Variants in CHL1 observed in about 807,000 individuals in gnomAD.
CHL1 encodes the protein cell adhesion molecule L1 like.
CHL1 carries 96 observed loss-of-function variants against 141.9 expected under a neutral mutation model. The observed-to-expected ratio is 0.68, with a 90% CI of 0.57 to 0.80. The LOEUF is 0.80. CHL1 is among the 30% of genes least tolerant of loss of function. The probability of loss-of-function intolerance (pLI) is 0.00; values close to 1 mark genes in which losing one functional copy is unlikely to be tolerated. For missense variants in CHL1, 1,820 were observed against 1,457.2 expected (o/e 1.25, Z -4.05); for synonymous variants, 613 against 502.2 (o/e 1.22, Z -2.95).
chr3:342,071 C>G lies in CHL1; in HGVS notation c.668C>G (p.Thr223Arg). ...TIVQKMPMKL[T>R]VNSLKHANDS... ...GTACAGAAAATGCCAATGAAACTAACAGTTAACAGTTGTAAGTCCACATAA... is the reference window on the plus strand; with the variant it reads ...GTACAGAAAATGCCAATGAAACTAAGAGTTAACAGTTGTAAGTCCACATAA... The change falls in exon 7 of 28, where the codon ACA (threonine) becomes AGA (arginine). Residue 223 changes from threonine (T) to arginine (R), a missense_variant. Coordinates refer to ENST00000256509, the MANE Select transcript of CHL1 (RefSeq NM_006614.4). The G allele has an allele frequency of 2.5e-6, 4 of 1,608,964 alleles. No individual in the cohort carries two copies. Among genetic ancestry groups the G allele is most frequent in the Non-Finnish European group, 3.4e-6 (4 of 1,175,964 alleles).
At chr3:379,953 C>G (rs1706831041) in intron 16 of CHL1, among the ~76,000 whole-genome samples, 1 of 152,094 alleles carries the variant, frequency 6.6e-6, no homozygotes, top group Non-Finnish European at 1.5e-5. Context: ...ATACTTGACC[C>G]CCTTTAATCA....
At chr3:380,938 G>A (rs1223062756) in intron 16 of CHL1, among the ~76,000 whole-genome samples, 2 of 152,178 alleles carry the variant, frequency 1.3e-5, no homozygotes, top group Non-Finnish European at 2.9e-5. Flanking sequence ...TATTCTTGGA[G>A]ATGAATCAGG....
chr3:206,976 C>A (rs1295152785), intron 1 of CHL1, among the ~76,000 whole-genome samples: 3 of 152,174 alleles, frequency 2.0e-5, no homozygotes, highest in African/African-American at 7.2e-5. Flanking sequence ...ATGGCAGATG[C>A]CATATCTCAG....
At chr3:331,396 C>T (rs1701428813) in intron 5 of CHL1, among the ~76,000 whole-genome samples, 2 of 151,982 alleles carry the variant, frequency 1.3e-5, no homozygotes, top group Admixed American at 1.3e-4. Context: ...CCGTGCCTGG[C>T]CAATTTTTAT....
At chr3:385,628 G>A (rs958618926) in intron 19 of CHL1, 3 of 152,138 alleles carry the variant, frequency 2.0e-5, no homozygotes, top group Non-Finnish European at 4.4e-5. Context: ...AGGAGTTTGA[G>A]ACCAGCCTGG....
At chr3:277,167 T>A (rs331851) in intron 2 of CHL1, among the ~76,000 whole-genome samples, 5,043 of 152,252 alleles carry the variant, frequency 0.033, 312 homozygotes, top group African/African-American at 0.11. Context: ...CTAAAAAGTC[T>A]TTTAAAATAT....
chr3:281,662 C>T (rs569202886), intron 2 of CHL1, among the ~76,000 whole-genome samples: 6 of 151,198 alleles, frequency 4.0e-5, no homozygotes, highest in South Asian at 2.1e-4. Context: ...TGGGTTCAAG[C>T]GATTCTCATG....
intron 1 of CHL1, among the ~76,000 whole-genome samples, chr3:201,681 G>C (rs1698956059): frequency 6.6e-6 from 1 of 152,142 alleles, no homozygotes; most frequent in African/African-American, 2.4e-5. Flanking sequence ...GGCAGATGAT[G>C]ATAAGAATGA....
Position 389,233 on chromosome 3 carries a change from G to GTCTTGCC in CHL1, c.2248-17_2248-11dup. On this transcript the variant is annotated intron_variant, in intron 19 of 27. Transcript: ENST00000256509. ...ACACATCTGTGATCAGACTAAATGA[G>GTCTTGCC]TCTTGCCTTCTGTTTTAGCCTTTGA... 6.4e-7 allele frequency: 1 copy of GTCTTGCC among 1,570,654 alleles called. No individual in the cohort carries two copies. Among genetic ancestry groups the GTCTTGCC allele is most frequent in the Middle Eastern group, 1.9e-4 (1 of 5,350 alleles).
intron 2 of CHL1, chr3:248,577 A>G (rs1277262184): frequency 6.6e-6 from 1 of 152,134 alleles, no homozygotes; most frequent in Non-Finnish European, 1.5e-5. Flanking sequence ...AATCAAGGTA[A>G]TAAATGTATT....
intron 5 of CHL1, among the ~76,000 whole-genome samples, chr3:331,558 G>A (rs1021162392): frequency 1.3e-5 from 2 of 151,962 alleles, no homozygotes; most frequent in Non-Finnish European, 2.9e-5. Flanking sequence ...GATTTCTTTA[G>A]TCATATTAAA....
At chr3:344,961 C>T (rs895303993) in intron 9 of CHL1, among the ~76,000 whole-genome samples, 1 of 151,688 alleles carries the variant, frequency 6.6e-6, no homozygotes, top group Admixed American at 6.6e-5. Context: ...TGCACTAAAA[C>T]CTGGATGACA....
At chr3:273,499 C>G (rs1385958904) in intron 2 of CHL1, among the ~76,000 whole-genome samples, 2 of 152,150 alleles carry the variant, frequency 1.3e-5, no homozygotes, top group African/African-American at 4.8e-5. Context: ...TTATTCAAGA[C>G]TTGTTTCCTC....
intron 1 of CHL1, among the ~76,000 whole-genome samples, chr3:218,990 T>A (rs1700576174): frequency 6.6e-6 from 1 of 151,406 alleles, no homozygotes; most frequent in South Asian, 2.1e-4. Context: ...AAATAAAAAA[T>A]ACAAAAAAAT....
intron 5 of CHL1, 129 bp from the exon 6 acceptor site, chr3:340,665 G>A: frequency 1.4e-6 from 1 of 738,046 alleles, no homozygotes; most frequent in Non-Finnish European, 2.2e-6. Flanking sequence ...GGAGATGTAA[G>A]AACCAGGATC....
At chr3:325,174 AG>A (rs1184770824) in intron 3 of CHL1, among the ~76,000 whole-genome samples, 6 of 146,988 alleles carry the variant, frequency 4.1e-5, no homozygotes, top group Admixed American at 1.5e-4. Flanking sequence ...AAAAAAAAAA[AG>A]AAAATTAAAA....
intron 19 of CHL1, 31 bp from the exon 20 acceptor site, chr3:389,221 C>T: frequency 6.5e-7 from 1 of 1,534,384 alleles, no homozygotes; most frequent in Non-Finnish European, 8.9e-7. Flanking sequence ...CATCTGTGAT[C>T]AGACTAAATG....
intron 2 of CHL1, among the ~76,000 whole-genome samples, chr3:274,934 G>A (rs1022656990): frequency 6.6e-6 from 1 of 152,148 alleles, no homozygotes; most frequent in African/African-American, 2.4e-5. Flanking sequence ...GACGCATGTA[G>A]CTTACTATCA....
chr3:297,731 G>A (rs1251151830), intron 2 of CHL1, among the ~76,000 whole-genome samples: 1 of 152,186 alleles, frequency 6.6e-6, no homozygotes, highest in East Asian at 1.9e-4. Context: ...ATCCCATGGA[G>A]ATGATCTGAG....
Sources: allele counts gnomAD v4.1 joint callset (sites outside exome capture counted in the v4.1 genomes callset), GRCh38; gene constraint gnomAD v4.1.1; transcripts MANE v1.5; gene names NCBI Gene and HGNC (gene_info 2026-07-23, HGNC 2026-07-21).